Variants in TMCO6 observed in about 807,000 individuals in gnomAD.
The protein encoded by TMCO6 is transmembrane and coiled-coil domain-containing protein 6.
TMCO6 carries 47 observed loss-of-function variants against 61.8 expected under a neutral mutation model. The ratio of observed to expected loss-of-function variants is 0.76; its 90% CI spans 0.60 to 0.97. The LOEUF is 0.97. Among genes scored for constraint, TMCO6 ranks in the 50% least tolerant of loss-of-function variants. TMCO6 has a pLI of 0.00. For synonymous variants in TMCO6, 261 were observed against 254.2 expected, an observed-to-expected ratio of 1.03 and a Z score of -0.25; for missense variants, 557 against 601.6, an observed-to-expected ratio of 0.93 and a Z score of 0.78.
chr5:140,612,212 C>T, the TMCO6 span, among the ~76,000 whole-genome samples: 1 of 152,300 alleles, frequency 6.6e-6, no homozygotes, highest in East Asian at 1.9e-4. Context: ...CATCCGACCA[C>T]AAAGTGCCAT....
chr5:140,633,184 C>G, the TMCO6 span: 1 of 1,358,562 alleles, frequency 7.4e-7, no homozygotes, highest in Non-Finnish European at 1.0e-6. Flanking sequence ...GTGAACTCTT[C>G]GGCTGCCTCT....
At chr5:140,640,261 A>G (rs1261290667) in intron 2 of TMCO6, among the ~76,000 whole-genome samples, 1 of 151,860 alleles carries the variant, frequency 6.6e-6, no homozygotes, top group Non-Finnish European at 1.5e-5. Flanking sequence ...TCCTAACTCA[A>G]ATTTTATCAG....
chr5:140,628,014 T>TA, the TMCO6 span, among the ~76,000 whole-genome samples: 180 of 151,320 alleles, frequency 1.2e-3, 2 homozygotes, highest in Non-Finnish European at 2.4e-4. Context: ...TGACTATCTT[T>TA]TTTTTTTTTT....
chr5:140,643,645 C>G lies in TMCO6; in HGVS notation c.888C>G (p.Val296=), dbSNP rs781015636. 6.2e-7 allele frequency: 1 copy of G among 1,613,380 alleles called. No homozygotes were observed. The highest frequency in any genetic ancestry group is 8.5e-7 in the Non-Finnish European group (1 of 1,179,628). ...TGCTGTTGGACTTGGCTGGGGCTGT[C>G]CAGAAAACCGAGGATGCAGGACTGG... The part of the protein sequence containing the change: ...GLLLLDLAGA[V]QKTEDAGLEL... The change falls in exon 8 of 12, where the codon GTC becomes GTG. Residue 296 remains valine, a synonymous_variant. Transcript: ENST00000394671.
chr5:140,643,728 A>G, intron 8 of TMCO6, 52 bp from the exon 9 acceptor site: 1 of 1,606,534 alleles, frequency 6.2e-7, no homozygotes, highest in Non-Finnish European at 8.5e-7. Context: ...ATACTCTGGA[A>G]TGCAGGTAAC....
At chr5:140,628,226 C>G in the TMCO6 span, among the ~76,000 whole-genome samples, 49,299 of 151,628 alleles carry the variant, frequency 0.33, 8,515 homozygotes, top group African/African-American at 0.43. Flanking sequence ...TTACACAGAC[C>G]ATCTATGACA....
downstream of TMCO6, chr5:140,647,681 G>T: frequency 6.8e-7 from 1 of 1,475,012 alleles, no homozygotes; most frequent in Non-Finnish European, 9.3e-7. Context: ...GGCTGCATGA[G>T]GCAGGGGCGG....
the TMCO6 span, among the ~76,000 whole-genome samples, chr5:140,596,882 C>A: frequency 7.1e-3 from 1,083 of 152,316 alleles, 4 homozygotes; most frequent in Non-Finnish European, 0.012. Context: ...CTGTCCTTTG[C>A]TGTCTTTCTG....
At chr5:140,632,372 A>G in the TMCO6 span, 2 of 1,614,152 alleles carry the variant, frequency 1.2e-6, no homozygotes, top group East Asian at 4.5e-5. This position sits in a 1 kb window ranked among gnomAD's most constrained non-coding sequence, Gnocchi z 6.2. Flanking sequence ...CCAGTCCAGG[A>G]TTGTCAGACA....
At chr5:140,643,448 C>T in intron 7 of TMCO6, 116 bp from the exon 8 acceptor site, 2 of 965,194 alleles carry the variant, frequency 2.1e-6, no homozygotes, top group Non-Finnish European at 3.3e-6. Context: ...CCACCCACCT[C>T]AGCCTCCCAA....
chr5:140,632,302 C>T, the TMCO6 span: 2 of 1,614,016 alleles, frequency 1.2e-6, no homozygotes, highest in Non-Finnish European at 1.7e-6. This position sits in a 1 kb window ranked among gnomAD's most constrained non-coding sequence, Gnocchi z 6.2. Context: ...TTGCGCAGCG[C>T]TAGATTCTGG....
chr5:140,643,158 TTC>T, intron 7 of TMCO6, 117 bp downstream of exon 7: 1 of 1,454,352 alleles, frequency 6.9e-7, no homozygotes, highest in South Asian at 1.3e-5. Context: ...CTCCACTGTC[TTC>T]TCTTTTTGGA....
At chr5:140,647,625 A>C, downstream of TMCO6, 1 of 1,598,298 alleles carries the variant, frequency 6.3e-7, no homozygotes, top group Non-Finnish European at 8.5e-7. Flanking sequence ...TCTTCAGGCC[A>C]AGTGCTCCGG....
chr5:140,607,011 T>A, the TMCO6 span, among the ~76,000 whole-genome samples: 5 of 150,622 alleles, frequency 3.3e-5, no homozygotes, highest in South Asian at 2.1e-4. Context: ...ATAATAATAA[T>A]AATAATGGAA....
At chr5:140,632,000 C>T in the TMCO6 span, 1 of 1,614,094 alleles carries the variant, frequency 6.2e-7, no homozygotes, top group Admixed American at 1.7e-5. Context: ...GGAAGGGATT[C>T]CCGTCCAGTG....
At chr5:140,597,136 A>G in the TMCO6 span, among the ~76,000 whole-genome samples, 6 of 152,268 alleles carry the variant, frequency 3.9e-5, no homozygotes, top group African/African-American at 1.4e-4. Flanking sequence ...CTGTCTGATC[A>G]TCCACATTTG....
At chr5:140,647,622 G>A (rs775201684), downstream of TMCO6, 2 of 1,599,228 alleles carry the variant, frequency 1.3e-6, no homozygotes, top group South Asian at 1.1e-5. Context: ...AGGTCTTCAG[G>A]CCAAGTGCTC....
At chr5:140,620,639 T>C in the TMCO6 span, among the ~76,000 whole-genome samples, 1 of 152,200 alleles carries the variant, frequency 6.6e-6, no homozygotes, top group African/African-American at 2.4e-5. Flanking sequence ...CAGGGGTATA[T>C]GGAAAATCTC....
chr5:140,629,577 T>G, the TMCO6 span, among the ~76,000 whole-genome samples: 2 of 152,166 alleles, frequency 1.3e-5, no homozygotes, highest in African/African-American at 4.8e-5. Flanking sequence ...TCATTATATA[T>G]ACGCAAATAT....
Sources: gnomAD v4.1 joint callset for allele counts (sites outside exome capture counted in the v4.1 genomes callset) on GRCh38, gnomAD v4.1.1 for gene constraint, Gnocchi (gnomAD v3.1) non-coding constraint, MANE v1.5 for transcripts, NCBI Gene and HGNC (gene_info 2026-07-23, HGNC 2026-07-21) for gene names.